DRC9: variants seen among roughly 807,000 people sequenced by gnomAD.
DRC9 encodes dynein regulatory complex protein 9.
At chr3:197,923,429 A>G in the DRC9 span, among the ~76,000 whole-genome samples, 28 of 152,280 alleles carry the variant, frequency 1.8e-4, no homozygotes, top group East Asian at 4.8e-3. Context: ...TCTTCCATAT[A>G]AACTTACAAT....
chr3:197,933,786 A>G, the DRC9 span, among the ~76,000 whole-genome samples: 1 of 151,902 alleles, frequency 6.6e-6, no homozygotes, highest in Non-Finnish European at 1.5e-5. Flanking sequence ...TTTAAATAAT[A>G]CATGTAGTTT....
chr3:197,899,800 A>G, the DRC9 span, among the ~76,000 whole-genome samples: 1 of 152,192 alleles, frequency 6.6e-6, no homozygotes, highest in South Asian at 2.1e-4. Flanking sequence ...AAGCACCTTC[A>G]TAAGAACCAA....
At chr3:197,950,361 G>A in the DRC9 span, 1 of 1,218,430 alleles carries the variant, frequency 8.2e-7, no homozygotes, top group Non-Finnish European at 1.0e-6. Context: ...GGGAGAACAG[G>A]ATGGAGGAGA....
chr3:197,947,333 G>A, the DRC9 span, among the ~76,000 whole-genome samples: 4 of 152,092 alleles, frequency 2.6e-5, no homozygotes, highest in East Asian at 7.7e-4. Context: ...ATCTCATCAT[G>A]TCCTTCCCTA....
chr3:197,937,777 CA>C, the DRC9 span, among the ~76,000 whole-genome samples: 1 of 151,930 alleles, frequency 6.6e-6, no homozygotes, highest in African/African-American at 2.4e-5. Context: ...GCGCCCAGCC[CA>C]TTCTCATTTT....
At chr3:197,912,685 T>C in the DRC9 span, 3 of 1,613,866 alleles carry the variant, frequency 1.9e-6, no homozygotes, top group African/African-American at 4.0e-5. Flanking sequence ...CTGCTGCTCC[T>C]TTCTAAGGAA....
chr3:197,926,010 C>T, the DRC9 span: 1 of 1,400,728 alleles, frequency 7.1e-7, no homozygotes, highest in Non-Finnish European at 1.0e-6. Context: ...TGGTGTTAAG[C>T]AGGTAATTCT....
chr3:197,942,687 G>A, the DRC9 span, among the ~76,000 whole-genome samples: 14 of 152,066 alleles, frequency 9.2e-5, no homozygotes, highest in South Asian at 2.5e-3. Flanking sequence ...GGAGGCCGAG[G>A]TGGGCAGATC....
At chr3:197,910,882 G>A in the DRC9 span, among the ~76,000 whole-genome samples, 5 of 150,782 alleles carry the variant, frequency 3.3e-5, no homozygotes, top group Non-Finnish European at 4.4e-5. Flanking sequence ...TGAGGCAGGC[G>A]AATCGCTTGA....
the DRC9 span, among the ~76,000 whole-genome samples, chr3:197,926,739 C>T: frequency 2.6e-5 from 4 of 152,082 alleles, no homozygotes; most frequent in Non-Finnish European, 4.4e-5. Context: ...GGAGTCAGGG[C>T]GTCTCTGATG....
chr3:197,892,454 C>G, the DRC9 span, among the ~76,000 whole-genome samples: 2 of 152,052 alleles, frequency 1.3e-5, no homozygotes, highest in African/African-American at 4.8e-5. Context: ...TACTTTTGAC[C>G]CCAAATAGCA....
the DRC9 span, chr3:197,913,633 G>A: frequency 3.4e-6 from 2 of 594,532 alleles, no homozygotes; most frequent in Admixed American, 5.9e-5. Context: ...AGTGACCAAG[G>A]AGAGAAAGTG....
the DRC9 span, chr3:197,953,665 TTCC>T: frequency 2.0e-4 from 87 of 438,952 alleles, no homozygotes; most frequent in East Asian, 4.8e-3. Flanking sequence ...TGGCAGGTAA[TTCC>T]TCCTTTCTGT....
At chr3:197,933,241 A>T in the DRC9 span, among the ~76,000 whole-genome samples, 12 of 151,650 alleles carry the variant, frequency 7.9e-5, no homozygotes, top group South Asian at 2.5e-3. Context: ...AGGTGGGTGG[A>T]TCACTTGAGG....
At chr3:197,953,778 C>G in the DRC9 span, 1 of 601,362 alleles carries the variant, frequency 1.7e-6, no homozygotes, top group South Asian at 2.0e-5. Context: ...ACTTGGTTAT[C>G]ATGTGAAAGA....
At chr3:197,944,028 A>C in the DRC9 span, 1 of 1,614,068 alleles carries the variant, frequency 6.2e-7, no homozygotes. Flanking sequence ...TTTTGGAGGA[A>C]GGTTTGAGTC....
chr3:197,890,013 G>C, the DRC9 span, among the ~76,000 whole-genome samples: 1 of 152,186 alleles, frequency 6.6e-6, no homozygotes, highest in Admixed American at 6.5e-5. Flanking sequence ...TTTCCTTGAG[G>C]AAAGTCCAGG....
the DRC9 span, chr3:197,906,817 G>A: frequency 1.5e-4 from 23 of 152,384 alleles, no homozygotes; most frequent in African/African-American, 4.8e-4. Flanking sequence ...AACTGACTCA[G>A]TCCTAAGAGC....
the DRC9 span, among the ~76,000 whole-genome samples, chr3:197,910,923 G>A: frequency 6.9e-6 from 1 of 145,354 alleles, no homozygotes; most frequent in African/African-American, 2.6e-5. Flanking sequence ...AGTGAGCCAA[G>A]ATCACGCCAC....
Sources: allele counts gnomAD v4.1 joint callset (sites outside exome capture counted in the v4.1 genomes callset), GRCh38; gene constraint gnomAD v4.1.1; transcripts MANE v1.5; gene names NCBI Gene and HGNC (gene_info 2026-07-23, HGNC 2026-07-21).